Variants in FOXC1 observed in about 807,000 individuals in gnomAD.
FOXC1 encodes the protein forkhead box C1.
A neutral mutation model predicts 8.1 loss-of-function variants in FOXC1; 5 were observed. That is an observed-to-expected ratio of 0.62 (90% confidence interval 0.32 to 1.30). The LOEUF (loss-of-function observed/expected upper bound fraction) is 1.30. FOXC1 is among the 50% of genes most tolerant of loss of function. The pLI, the probability that FOXC1 is intolerant of heterozygous loss-of-function variation, is 0.05. For synonymous variants in FOXC1, 552 were observed against 417.2 expected (o/e 1.32, Z -3.94); for missense variants, 942 against 858.0 (o/e 1.10, Z -1.22).
Position 1,611,163 on chromosome 6 carries a change from C to G in FOXC1, c.718C>G (p.Leu240Val). ...NGTCPSPPQP[L>V]SPAAALGSGS... ...TACGTGCCCCTCGCCGCCCCAGCCC[C>G]TGTCCCCGGCCGCCGCCCTGGGCAG... The change falls in exon 1 of 1, where the codon CTG becomes GTG. Residue 240 changes from leucine to valine, a missense_variant. Leu to Val is a conservative substitution (Grantham distance 32). Transcript: ENST00000645831. The surrounding 1 kb of genome is among the most constrained non-coding windows in gnomAD (Gnocchi z 7.1). 2 of 1,454,636 alleles carry G rather than the reference C, an allele frequency of 1.4e-6. No homozygotes were observed. The highest frequency in any genetic ancestry group is 9.1e-7 in the Non-Finnish European group (1 of 1,098,816). The allele number at this position is 1,454,636 out of a possible 1,614,324, so 90.1% of individuals were successfully genotyped here.
At position 1,611,882 on chromosome 6, in the gene FOXC1, C is replaced by T. The variant is rs1191749991; in HGVS notation, c.1437C>T (p.Gly479=). Residue 479 remains glycine, a synonymous_variant, in exon 1 of 1, where the codon GGC becomes GGT. Coordinates refer to ENST00000645831, the MANE Select transcript of FOXC1 (RefSeq NM_001453.3). The surrounding 1 kb of genome is among the most constrained non-coding windows in gnomAD (Gnocchi z 7.1). ...CCTCGTGGTACCTGAACCAGGCGGG[C>T]GGAGACCTGGGCCACTTGGCGAGCG... is the stretch of plus-strand genomic sequence containing the variant. ...RLTSWYLNQA[G]GDLGHLASAA... 6.5e-6 allele frequency: 10 copies of T among 1,540,726 alleles called. No individual in the cohort carries two copies. In the South Asian group the frequency reaches 9.6e-5, roughly 15 times the overall value.
chr6:1,611,581 G>T lies in FOXC1; in HGVS notation c.1136G>T (p.Gly379Val). ...GCGGGCAGCTCGGGCGGCGGCGGCG[G>T]CGGCGCGGGGGCCGCGGGGGGCGCG... ...SSAGSSGGGGGGAGAAGGAGG... is the reference protein window; with the variant it reads ...SSAGSSGGGGVGAGAAGGAGG... The change falls in exon 1 of 1, where the codon GGC becomes GTC. Residue 379 changes from glycine to valine, a missense_variant. Gly to Val is a moderately radical substitution (Grantham distance 109, BLOSUM62 -3). Coordinates refer to ENST00000645831, the MANE Select transcript of FOXC1 (RefSeq NM_001453.3). This position sits in a 1 kb window ranked among gnomAD's most constrained non-coding sequence, Gnocchi z 7.1. The T allele has an allele frequency of 8.6e-7, 1 of 1,163,906 alleles. No homozygotes were observed. Among genetic ancestry groups the T allele is most frequent in the Non-Finnish European group, 1.1e-6 (1 of 948,600 alleles). 72.1% of individuals were successfully genotyped at this position (1,163,906 alleles called of 1,614,324 possible).
chr6:1,611,190 G>A lies in FOXC1; in HGVS notation c.745G>A (p.Gly249Ser). The change falls in exon 1 of 1, where the codon GGC becomes AGC. Residue 249 changes from glycine to serine, a missense_variant. Transcript: ENST00000645831. The surrounding 1 kb of genome is among the most constrained non-coding windows in gnomAD (Gnocchi z 7.1). ...GTCCCCGGCCGCCGCCCTGGGCAGC[G>A]GCAGCGCCGCCGCGGTGCCCAAGAT... is the stretch of plus-strand genomic sequence containing the variant. ...PLSPAAALGS[G>S]SAAAVPKIES... is the part of the protein sequence containing the mutation. The A allele has an allele frequency of 6.9e-7, 1 of 1,459,518 alleles. No homozygotes were observed. Among genetic ancestry groups the A allele is most frequent in the Non-Finnish European group, 9.1e-7 (1 of 1,104,522 alleles). 90.4% of individuals were successfully genotyped at this position (1,459,518 alleles called of 1,614,324 possible).
In FOXC1 at chr6:1,610,622, C is replaced by G; in HGVS notation, c.177C>G (p.Gly59=). Reference sequence around the variant, plus strand: ...CGCACGCCGAGCAGTACCCGGGCGGCATGGCCCGCGCCTACGGGCCCTACA... The same window carrying G: ...CGCACGCCGAGCAGTACCCGGGCGGGATGGCCCGCGCCTACGGGCCCTACA... ...HPAHAEQYPG[G]MARAYGPYTP... The change falls in exon 1 of 1, where the codon GGC becomes GGG. Residue 59 remains glycine (G), a synonymous_variant. Coordinates refer to ENST00000645831, the MANE Select transcript of FOXC1 (RefSeq NM_001453.3). 1 of 1,611,636 alleles carries G rather than the reference C, an allele frequency of 6.2e-7. No individual in the cohort carries two copies. The highest frequency in any genetic ancestry group is 8.5e-7 in the Non-Finnish European group (1 of 1,179,640).
Position 1,612,650 on chromosome 6 carries a change from A to G in FOXC1, c.*543A>G, listed in dbSNP as rs906222374. 1 of 232,410 alleles carries G rather than the reference A, an allele frequency of 4.3e-6. No homozygotes were observed. Among genetic ancestry groups the G allele is most frequent in the Non-Finnish European group, 9.2e-6 (1 of 108,400 alleles). 14.4% of individuals were successfully genotyped at this position (232,410 alleles called of 1,614,324 possible). Reference sequence around the variant, plus strand: ...AATTTGTAGTTGGATGTCGTGGACCAAACGCCAGAAAGTGTTCCCAAAACC... The same window carrying G: ...AATTTGTAGTTGGATGTCGTGGACCGAACGCCAGAAAGTGTTCCCAAAACC... On this transcript the variant is annotated 3_prime_UTR_variant, in exon 1 of 1. Transcript: ENST00000645831.
chr6:1,611,182 TG>T lies in FOXC1; in HGVS notation c.740del (p.Gly247AlafsTer68). ...PPQPLSPAAALGSGSAAAVPK... is the reference protein window; with the variant it reads ...PPQPLSPAAAXGSGSAAAVPK... ...CAGCCCCTGTCCCCGGCCGCCGCCCTGGGCAGCGGCAGCGCCGCCGCGGTGC... is the reference window on the plus strand; with the variant it reads ...CAGCCCCTGTCCCCGGCCGCCGCCCTGGCAGCGGCAGCGCCGCCGCGGTGC... On this transcript the variant is annotated frameshift_variant, in exon 1 of 1. Coordinates refer to ENST00000645831, the MANE Select transcript of FOXC1 (RefSeq NM_001453.3). LOFTEE classifies it low-confidence loss of function (END_TRUNC). This position sits in a 1 kb window ranked among gnomAD's most constrained non-coding sequence, Gnocchi z 7.1. 1 of 1,458,014 alleles carries T rather than the reference TG, an allele frequency of 6.9e-7. No homozygotes were observed. The highest frequency in any genetic ancestry group is 2.3e-5 in the Admixed American group (1 of 44,166). The allele number at this position is 1,458,014 out of a possible 1,614,324, so 90.3% of individuals were successfully genotyped here.
chr6:1,611,767 C>T lies in FOXC1; in HGVS notation c.1322C>T (p.Ser441Leu), dbSNP rs1301281789. The T allele has an allele frequency of 1.4e-6, 2 of 1,471,696 alleles. No individual in the cohort carries two copies. Among genetic ancestry groups the T allele is most frequent in the Non-Finnish European group, 1.8e-6 (2 of 1,118,106 alleles). 91.2% of individuals were successfully genotyped at this position (1,471,696 alleles called of 1,614,324 possible). The change falls in exon 1 of 1, where the codon TCG becomes TTG. Residue 441 changes from serine to leucine, a missense_variant. Physicochemically the swap from Ser to Leu is moderately radical, Grantham distance 145. Transcript: ENST00000645831. This position sits in a 1 kb window ranked among gnomAD's most constrained non-coding sequence, Gnocchi z 7.1. ...CTGCCTCCGGTCACCAGCAGCAGCT[C>T]GTCGTCCCTGAGTCACGGCGGCGGC... ...YSLPPVTSSS[S>L]SSLSHGGGGG...
rs1454648859 is a variant in FOXC1, at chr6:1,611,087, C to G, written c.642C>G (p.Pro214=). 5.9e-6 allele frequency: 8 copies of G among 1,362,810 alleles called. No individual in the cohort carries two copies. The highest frequency in any genetic ancestry group is 6.7e-6 in the Non-Finnish European group (7 of 1,050,994). 84.4% of individuals were successfully genotyped at this position (1,362,810 alleles called of 1,614,324 possible). Residue 214 remains proline (P), a synonymous_variant, in exon 1 of 1, where the codon CCC becomes CCG. Transcript: ENST00000645831. The surrounding 1 kb of genome is among the most constrained non-coding windows in gnomAD (Gnocchi z 7.1). ...CGGAGCAGGCCGACGGCAACGCGCC[C>G]GGTCCGCAGCCGCCGCCCGTGCGCA... The part of the protein sequence containing the change: ...APPEQADGNA[P]GPQPPPVRIQ...
rs778177333 is a variant in FOXC1 at position 1,611,990 on chromosome 6, G to A, written c.1545G>A (p.Arg515=). The A allele has an allele frequency of 1.9e-6, 3 of 1,608,400 alleles. No homozygotes were observed. Among genetic ancestry groups the A allele is most frequent in the Admixed American group, 1.7e-5 (1 of 58,816 alleles). The change falls in exon 1 of 1, where the codon AGG becomes AGA. Residue 515 remains arginine (R), a synonymous_variant. Coordinates refer to ENST00000645831, the MANE Select transcript of FOXC1 (RefSeq NM_001453.3). This position sits in a 1 kb window ranked among gnomAD's most constrained non-coding sequence, Gnocchi z 7.1. ...HSVREMFESQ[R]IGLNNSPVNG... is the part of the protein sequence containing the mutation. ...TGCGGGAGATGTTCGAGTCACAGAG[G>A]ATCGGCTTGAACAACTCTCCAGTGA...
chr6:1,611,053 C>T lies in FOXC1; in HGVS notation c.608C>T (p.Pro203Leu). ...CCCCCGCCCGGCCGCCAGCCCCCGC[C>T]CGCGCCGCCGGAGCAGGCCGACGGC... ...EPPPPGRQPP[P>L]APPEQADGNA... is the part of the protein sequence containing the mutation. Residue 203 changes from proline to leucine, a missense_variant, in exon 1 of 1, where the codon CCC (proline) becomes CTC (leucine). This residue lies in a region of FOXC1 where 726 missense variants were observed against 599.6 expected (regional missense o/e 1.21). Coordinates refer to ENST00000645831, the MANE Select transcript of FOXC1 (RefSeq NM_001453.3). This position sits in a 1 kb window ranked among gnomAD's most constrained non-coding sequence, Gnocchi z 7.1. The T allele has an allele frequency of 1.3e-6, 2 of 1,510,532 alleles. No homozygotes were observed. Among genetic ancestry groups the T allele is most frequent in the Non-Finnish European group, 1.8e-6 (2 of 1,126,960 alleles). 93.6% of individuals were successfully genotyped at this position (1,510,532 alleles called of 1,614,324 possible).
chr6:1,612,067 G>C lies in FOXC1; in HGVS notation c.1622G>C (p.Arg541Pro). 1.2e-6 allele frequency: 2 copies of C among 1,613,956 alleles called. No homozygotes were observed. Among genetic ancestry groups the C allele is most frequent in the Non-Finnish European group, 1.7e-6 (2 of 1,180,012 alleles). Residue 541 changes from arginine to proline, a missense_variant, in exon 1 of 1, where the codon CGC (arginine) becomes CCC (proline). Around this residue, in one of 4 missense-constraint regions of FOXC1, gnomAD observed 726 missense variants for 599.6 expected, o/e 1.21. Coordinates refer to ENST00000645831, the MANE Select transcript of FOXC1 (RefSeq NM_001453.3). Reference sequence around the variant, plus strand: ...TTCCCTTCCAGCCAGTCTCTGTACCGCACGTCCGGAGCTTTCGTCTACGAC... The same window carrying C: ...TTCCCTTCCAGCCAGTCTCTGTACCCCACGTCCGGAGCTTTCGTCTACGAC... The part of the protein sequence containing the change: ...MAFPSSQSLY[R>P]TSGAFVYDCS...
At position 1,611,023 on chromosome 6, in the gene FOXC1, A is replaced by AGCCGCC; in HGVS notation, c.579_584dup (p.Pro196_Pro197dup). 1 of 1,577,508 alleles carries AGCCGCC rather than the reference A, an allele frequency of 6.3e-7. No homozygotes were observed. ...GAGAAGGACAGGCTGCACCTCAAGG[A>AGCCGCC]GCCGCCCCCGCCCGGCCGCCAGCCC... On this transcript the variant is annotated inframe_insertion, in exon 1 of 1. Transcript: ENST00000645831. This position sits in a 1 kb window ranked among gnomAD's most constrained non-coding sequence, Gnocchi z 7.1.
At position 1,611,670 on chromosome 6, in the gene FOXC1, G is replaced by C; in HGVS notation, c.1225G>C (p.Gly409Arg). Residue 409 changes from glycine to arginine, a missense_variant, in exon 1 of 1, where the codon GGG becomes CGG. By Grantham distance (125) the Gly-to-Arg change is moderately radical. This residue lies in a region of FOXC1 where 726 missense variants were observed against 599.6 expected (regional missense o/e 1.21). Transcript: ENST00000645831. The surrounding 1 kb of genome is among the most constrained non-coding windows in gnomAD (Gnocchi z 7.1). The part of the protein sequence containing the change: ...AMSLYAAGER[G>R]GHLQGAPGGA... The stretch of plus-strand genomic sequence containing the variant: ...GAGCCTGTACGCGGCCGGCGAGCGC[G>C]GGGGCCACTTGCAGGGCGCGCCCGG... The C allele has an allele frequency of 2.9e-6, 4 of 1,398,340 alleles. No individual in the cohort carries two copies. The highest frequency in any genetic ancestry group is 3.3e-5 in the Admixed American group (1 of 30,360). 86.6% of individuals were successfully genotyped at this position (1,398,340 alleles called of 1,614,324 possible). A position where few individuals can be genotyped will look rare whatever the true frequency, so the allele number is the denominator to read the frequency against.
rs542630440 is a variant in FOXC1 at position 1,611,938 on chromosome 6, C to G, written c.1493C>G (p.Pro498Arg). 1.3e-6 allele frequency: 2 copies of G among 1,581,624 alleles called. No homozygotes were observed. Among genetic ancestry groups the G allele is most frequent in the South Asian group, 1.1e-5 (1 of 87,352 alleles). ...GCGGCGGCGGCGGCCGCAGGCTACC[C>G]GGGCCAGCAGCAGAACTTCCACTCG... ...AAAAAAAAGY[P>R]GQQQNFHSVR... Residue 498 changes from proline to arginine, a missense_variant, in exon 1 of 1, where the codon CCG becomes CGG. Pro to Arg is a moderately radical substitution (Grantham distance 103, BLOSUM62 -2). Transcript: ENST00000645831. The surrounding 1 kb of genome is among the most constrained non-coding windows in gnomAD (Gnocchi z 7.1).
In FOXC1 at chr6:1,611,877, G is replaced by A. The variant is rs756479242; in HGVS notation, c.1432G>A (p.Ala478Thr). 83 of 1,542,234 alleles carry A rather than the reference G, an allele frequency of 5.4e-5. No individual in the cohort carries two copies. In the South Asian group the frequency reaches 9.2e-4, roughly 17 times the overall value. ...GRLTSWYLNQ[A>T]GGDLGHLASA... ...CCTCACCTCGTGGTACCTGAACCAG[G>A]CGGGCGGAGACCTGGGCCACTTGGC... Residue 478 changes from alanine (A) to threonine (T), a missense_variant, in exon 1 of 1, where the codon GCG (alanine) becomes ACG (threonine). Transcript: ENST00000645831. The surrounding 1 kb of genome is among the most constrained non-coding windows in gnomAD (Gnocchi z 7.1).
At position 1,612,184 on chromosome 6, in the gene FOXC1, TAAA is replaced by T; in HGVS notation, c.*87_*89del. ...GAACCCATCAAGGCAAAATCGAAAC[TAAA>T]AAAAAAAAATCCAATTAAAAAAAAC... On this transcript the variant is annotated 3_prime_UTR_variant, in exon 1 of 1. Transcript: ENST00000645831. 1 of 1,285,476 alleles carries T rather than the reference TAAA, an allele frequency of 7.8e-7. No homozygotes were observed. Among genetic ancestry groups the T allele is most frequent in the Non-Finnish European group, 1.1e-6 (1 of 941,552 alleles). 79.6% of individuals were successfully genotyped at this position (1,285,476 alleles called of 1,614,324 possible).
At position 1,612,470 on chromosome 6, in the gene FOXC1, C is replaced by A; in HGVS notation, c.*363C>A. 1 of 429,000 alleles carries A rather than the reference C, an allele frequency of 2.3e-6. No homozygotes were observed. Among genetic ancestry groups the A allele is most frequent in the Non-Finnish European group, 4.4e-6 (1 of 228,038 alleles). The allele number at this position is 429,000 out of a possible 1,614,324, so 26.6% of individuals were successfully genotyped here. On this transcript the variant is annotated 3_prime_UTR_variant, in exon 1 of 1. Coordinates refer to ENST00000645831, the MANE Select transcript of FOXC1 (RefSeq NM_001453.3). ...GAGACCTGCTTTCCCCTCCTCCCGT[C>A]TCCCCTCTCTTGCCTTCTTCCTTGC... is the stretch of plus-strand genomic sequence containing the variant.
chr6:1,611,224 CCGA>C lies in FOXC1; in HGVS notation c.781_783del (p.Asp261del). On this transcript the variant is annotated inframe_deletion, in exon 1 of 1. Coordinates refer to ENST00000645831, the MANE Select transcript of FOXC1 (RefSeq NM_001453.3). This position sits in a 1 kb window ranked among gnomAD's most constrained non-coding sequence, Gnocchi z 7.1. ...GCCGCGGTGCCCAAGATCGAGAGCCCCGACAGCAGCAGCAGCAGCCTGTCCAGC... is the reference window on the plus strand; with the variant it reads ...GCCGCGGTGCCCAAGATCGAGAGCCCCAGCAGCAGCAGCAGCCTGTCCAGC... 6.9e-7 allele frequency: 1 copy of C among 1,455,694 alleles called. No individual in the cohort carries two copies. 90.2% of individuals were successfully genotyped at this position (1,455,694 alleles called of 1,614,324 possible).
rs1311483084 is a variant in FOXC1 at position 1,611,117 on chromosome 6, G to A, written c.672G>A (p.Gln224=). 3 of 1,396,150 alleles carry A rather than the reference G, an allele frequency of 2.1e-6. No homozygotes were observed. Among genetic ancestry groups the A allele is most frequent in the Non-Finnish European group, 2.8e-6 (3 of 1,062,558 alleles). The allele number at this position is 1,396,150 out of a possible 1,614,324, so 86.5% of individuals were successfully genotyped here. ...CGCAGCCGCCGCCCGTGCGCATCCA[G>A]GACATCAAGACCGAGAACGGTACGT... is the stretch of plus-strand genomic sequence containing the variant. ...PGPQPPPVRI[Q]DIKTENGTCP... Residue 224 remains glutamine (Q), a synonymous_variant, in exon 1 of 1, where the codon CAG becomes CAA. Coordinates refer to ENST00000645831, the MANE Select transcript of FOXC1 (RefSeq NM_001453.3). The surrounding 1 kb of genome is among the most constrained non-coding windows in gnomAD (Gnocchi z 7.1).
Sources: gnomAD v4.1 joint callset for allele counts on GRCh38, gnomAD v4.1.1 for gene constraint, gnomAD v4.1.1 regional missense constraint, Gnocchi (gnomAD v3.1) non-coding constraint, MANE v1.5 for transcripts, NCBI Gene and HGNC (gene_info 2026-07-23, HGNC 2026-07-21) for gene names.